TTC1: variants seen among roughly 807,000 people sequenced by gnomAD.
TTC1 encodes the protein tetratricopeptide repeat protein 1.
Under a neutral mutation model 37.6 loss-of-function variants are expected in TTC1, and 31 were observed. The observed-to-expected ratio is 0.82, with a 90% CI of 0.62 to 1.11. The LOEUF (loss-of-function observed/expected upper bound fraction) is 1.11. Among genes scored for constraint, TTC1 ranks in the 50% most tolerant of loss-of-function variants. The pLI, the probability that TTC1 is intolerant of heterozygous loss-of-function variation, is 0.00. For synonymous variants in TTC1, 127 were observed against 122.4 expected (o/e 1.04, Z -0.25); for missense variants, 351 against 339.0 (o/e 1.04, Z -0.28).
At chr5:160,040,407 A>G (rs1387435451) in intron 4 of TTC1, among the ~76,000 whole-genome samples, 4 of 152,186 alleles carry the variant, frequency 2.6e-5, no homozygotes, top group African/African-American at 9.7e-5. Context: ...CTTCATAAAT[A>G]TCTTACATTT....
At chr5:160,042,706 G>A (rs1757121009) in intron 4 of TTC1, among the ~76,000 whole-genome samples, 1 of 152,230 alleles carries the variant, frequency 6.6e-6, no homozygotes, top group African/African-American at 2.4e-5. Flanking sequence ...TGTAGGTGGA[G>A]CATCTGTATA....
At chr5:160,033,200 G>T (rs1302412282) in intron 2 of TTC1, among the ~76,000 whole-genome samples, 1 of 151,926 alleles carries the variant, frequency 6.6e-6, no homozygotes, top group East Asian at 1.9e-4. Context: ...CTTTCTTATG[G>T]GTAGTACTAG....
At chr5:160,032,409 G>A (rs934262921) in intron 2 of TTC1, among the ~76,000 whole-genome samples, 4 of 152,116 alleles carry the variant, frequency 2.6e-5, no homozygotes, top group Non-Finnish European at 5.9e-5. Flanking sequence ...TGTTGTCTTG[G>A]CTCTCCAACA....
intron 4 of TTC1, among the ~76,000 whole-genome samples, chr5:160,040,079 T>C (rs1312940354): frequency 1.3e-5 from 2 of 152,214 alleles, no homozygotes; most frequent in African/African-American, 4.8e-5. Flanking sequence ...ACCTAAGCTA[T>C]ATGGTATAAC....
chr5:160,016,104 G>A (rs1756601132), intron 2 of TTC1, among the ~76,000 whole-genome samples: 3 of 152,194 alleles, frequency 2.0e-5, no homozygotes, highest in African/African-American at 4.8e-5. Flanking sequence ...TTGGCCGGGT[G>A]CAGTGGCTCA....
intron 2 of TTC1, among the ~76,000 whole-genome samples, chr5:160,033,357 A>T (rs1756945731): frequency 6.6e-6 from 1 of 152,104 alleles, no homozygotes; most frequent in African/African-American, 2.4e-5. Flanking sequence ...AATTAGATTC[A>T]CTCTATACTT....
intron 7 of TTC1, among the ~76,000 whole-genome samples, chr5:160,059,598 C>A (rs1757643635): frequency 6.6e-6 from 1 of 152,130 alleles, no homozygotes; most frequent in African/African-American, 2.4e-5. Context: ...TATTAATTGA[C>A]CTAATTTCAA....
chr5:160,023,992 A>G, intron 2 of TTC1: 1 of 1,538,762 alleles, frequency 6.5e-7, no homozygotes. Flanking sequence ...GTTGCATGAA[A>G]CAATCTTTTG....
chr5:160,035,400 C>A (rs1257663831), intron 3 of TTC1, among the ~76,000 whole-genome samples, 200 bp downstream of exon 3: 1 of 152,232 alleles, frequency 6.6e-6, no homozygotes, highest in Non-Finnish European at 1.5e-5. Context: ...TACCATTTGT[C>A]TCTTGGCACA....
At chr5:160,018,542 G>A (rs1226768566) in intron 2 of TTC1, among the ~76,000 whole-genome samples, 1 of 152,178 alleles carries the variant, frequency 6.6e-6, no homozygotes, top group Non-Finnish European at 1.5e-5. Context: ...TTCAAGGAAT[G>A]GAAGAGCCGA....
chr5:160,053,250 G>GT (rs1757451025), intron 7 of TTC1, among the ~76,000 whole-genome samples: 1 of 152,194 alleles, frequency 6.6e-6, no homozygotes, highest in Non-Finnish European at 1.5e-5. Context: ...GCTAGTTCCT[G>GT]TTAAAATGAT....
chr5:160,035,041 T>C (rs1756978744), intron 2 of TTC1, 99 bp from the exon 3 acceptor site: 8 of 997,342 alleles, frequency 8.0e-6, no homozygotes, highest in Non-Finnish European at 1.1e-5. Context: ...AAAGTCAGAC[T>C]GTTGCCTATT....
chr5:160,061,557 C>G (rs544317355), intron 7 of TTC1, among the ~76,000 whole-genome samples: 92 of 152,202 alleles, frequency 6.0e-4, no homozygotes, highest in Non-Finnish European at 1.1e-3. Flanking sequence ...TAGGTCTTCT[C>G]TAACGCAGAG....
At chr5:160,064,220 C>T (rs1753528864) in intron 7 of TTC1, among the ~76,000 whole-genome samples, 2 of 152,104 alleles carry the variant, frequency 1.3e-5, no homozygotes, top group African/African-American at 4.8e-5. Flanking sequence ...CCACCCATCT[C>T]GGCCTCCCAA....
intron 7 of TTC1, 106 bp downstream of exon 7, chr5:160,051,289 AC>A: frequency 1.2e-6 from 1 of 852,716 alleles, no homozygotes; most frequent in Non-Finnish European, 1.8e-6. Flanking sequence ...TTCGGACTCT[AC>A]CACAAGGCTA....
chr5:160,012,368 ATTTT>A (rs540919125), intron 2 of TTC1, among the ~76,000 whole-genome samples: 22 of 144,944 alleles, frequency 1.5e-4, no homozygotes, highest in Non-Finnish European at 2.9e-4. Context: ...TACTTTTATG[ATTTT>A]TTTTTTTTTT....
Position 160,028,529 on chromosome 5 carries a change from G to A in TTC1, c.331-6611G>A, listed in dbSNP as rs375282732. On this transcript the variant is annotated intron_variant, in intron 2 of 7. Coordinates refer to ENST00000231238, the MANE Select transcript of TTC1 (RefSeq NM_003314.3). The stretch of plus-strand genomic sequence containing the variant: ...AGCAAGGTCGCACTCTGTCACCTAG[G>A]CTATAGTGCAGTGGCACAATCATGG... 1.1e-4 allele frequency among the ~76,000 whole-genome samples: 17 copies of A among 151,912 alleles called. 1 individual carries two copies. Among genetic ancestry groups the A allele is most frequent in the African/African-American group, 4.1e-4 (17 of 41,428 alleles).
chr5:160,033,194 C>G (rs1394020587), intron 2 of TTC1, among the ~76,000 whole-genome samples: 5 of 152,106 alleles, frequency 3.3e-5, no homozygotes, highest in Admixed American at 1.3e-4. Flanking sequence ...AAGCATCTTT[C>G]TTATGGGTAG....
chr5:160,062,090 T>TC (rs1381108012), intron 7 of TTC1: 1 of 152,200 alleles, frequency 6.6e-6, no homozygotes, highest in Non-Finnish European at 1.5e-5. Flanking sequence ...AGCCACTCTG[T>TC]CCCCTGCATT....
Sources: allele counts gnomAD v4.1 joint callset (sites outside exome capture counted in the v4.1 genomes callset), GRCh38; gene constraint gnomAD v4.1.1; transcripts MANE v1.5; gene names NCBI Gene and HGNC (gene_info 2026-07-23, HGNC 2026-07-21).